The following CENPP variants were observed in gnomAD, a reference collection of about 807,000 sequenced individuals.
CENPP encodes centromere protein P.
Under a neutral mutation model 35.6 loss-of-function variants are expected in CENPP, and 24 were observed. The observed-to-expected ratio is 0.67, with a 90% CI of 0.49 to 0.95. The LOEUF (loss-of-function observed/expected upper bound fraction) is 0.95, where lower values mean the gene tolerates loss of function less well. Ranked by LOEUF, CENPP falls within the 40% of genes least tolerant of loss-of-function variation. The pLI is 0.00. For synonymous variants in CENPP, 120 were observed against 125.5 expected, an observed-to-expected ratio of 0.96 and a Z score of 0.29; for missense variants, 332 against 345.3, an observed-to-expected ratio of 0.96 and a Z score of 0.31.
chr9:92,350,635 C>T (rs949682796), intron 4 of CENPP, among the ~76,000 whole-genome samples: 1 of 152,078 alleles, frequency 6.6e-6, no homozygotes. Flanking sequence ...GGCCTTTAAG[C>T]GTGAATGAAC....
At chr9:92,408,906 G>A (rs1843375857) in intron 5 of CENPP, among the ~76,000 whole-genome samples, 1 of 152,136 alleles carries the variant, frequency 6.6e-6, no homozygotes, top group East Asian at 1.9e-4. Context: ...CTGTGGTTTG[G>A]ATCTCCGTCT....
chr9:92,610,051 G>C (rs1034138708), intron 5 of CENPP, among the ~76,000 whole-genome samples: 2 of 151,906 alleles, frequency 1.3e-5, no homozygotes, highest in Non-Finnish European at 2.9e-5. Context: ...AAAAACACAA[G>C]TGTTTGTTTG....
In CENPP at chr9:92,326,125, C is replaced by T. The variant is rs566219689; in HGVS notation, c.107+20C>T. 139 of 1,465,008 alleles carry T rather than the reference C, an allele frequency of 9.5e-5. 3 individuals are homozygous for T. The highest frequency in any genetic ancestry group is 9.3e-4 in the South Asian group (74 of 79,724). 90.8% of individuals were successfully genotyped at this position (1,465,008 alleles called of 1,614,324 possible). Reference sequence around the variant, plus strand: ...AGTCCAGTACGTGACCACCCCAAGTCCCCCAGGGCCCGCTGGCCAGGGTTC... The same window carrying T: ...AGTCCAGTACGTGACCACCCCAAGTTCCCCAGGGCCCGCTGGCCAGGGTTC... On this transcript the variant is annotated intron_variant, in intron 1 of 7. Transcript: ENST00000375587.
chr9:92,613,009 T>G lies in CENPP; in HGVS notation c.737-10T>G. On this transcript the variant is annotated splice_polypyrimidine_tract_variant and intron_variant, in intron 7 of 7. Transcript: ENST00000375587. ...GAAGTTTCTTACCCGGTTTAATGTTTTCTTTATAGCCCTGGAGCTGGACAA... is the reference window on the plus strand; with the variant it reads ...GAAGTTTCTTACCCGGTTTAATGTTGTCTTTATAGCCCTGGAGCTGGACAA... 6.2e-7 allele frequency: 1 copy of G among 1,613,828 alleles called. No individual in the cohort carries two copies. The highest frequency in any genetic ancestry group is 1.1e-5 in the South Asian group (1 of 91,034).
chr9:92,357,206 T>C (rs1329883863), intron 4 of CENPP, among the ~76,000 whole-genome samples: 1 of 151,934 alleles, frequency 6.6e-6, no homozygotes, highest in Non-Finnish European at 1.5e-5. Context: ...TTTTTTGTTT[T>C]TTTAAACTTT....
chr9:92,468,249 G>T lies in CENPP; in HGVS notation c.564+88390G>T, dbSNP rs180679658. 1.4e-4 allele frequency among the ~76,000 whole-genome samples: 21 copies of T among 152,334 alleles called. No homozygotes were observed. In the East Asian group the frequency reaches 4.0e-3, roughly 29 times the overall value. On this transcript the variant is annotated intron_variant, in intron 5 of 7. Transcript: ENST00000375587. ...GGAAGGAAAAGTAATACAAAACTGT[G>T]TAAGAGGTTTTGTGCAGCACTGGTA...
At position 92,379,833 on chromosome 9, in the gene CENPP, CG is replaced by C; in HGVS notation, c.539del (p.Arg180LeufsTer39). The C allele has an allele frequency of 6.2e-7, 1 of 1,611,188 alleles. No individual in the cohort carries two copies. On this transcript the variant is annotated frameshift_variant, in exon 5 of 8. Coordinates refer to ENST00000375587, the MANE Select transcript of CENPP (RefSeq NM_001012267.3). LOFTEE classifies it high-confidence loss of function. ...LHFFVEWFEY[R>X]KRTFKHLKEK... ...TTTTTTTGTGGAGTGGTTTGAATAT[CG>C]TAAGCGCACGTTTAAACATCTCAAG...
intron 5 of CENPP, among the ~76,000 whole-genome samples, chr9:92,450,114 C>CT (rs1433731287): frequency 6.6e-6 from 1 of 151,758 alleles, no homozygotes; most frequent in Non-Finnish European, 1.5e-5. Context: ...TATTATTATA[C>CT]TTTAAGTTTT....
chr9:92,539,178 A>G (rs73522345), intron 5 of CENPP: 3 of 152,196 alleles, frequency 2.0e-5, no homozygotes, highest in Admixed American at 6.5e-5. Flanking sequence ...CGGTTGGCCA[A>G]CGTAAGTGGA....
chr9:92,458,809 A>G (rs1844980068), intron 5 of CENPP, among the ~76,000 whole-genome samples: 2 of 152,200 alleles, frequency 1.3e-5, no homozygotes, highest in African/African-American at 2.4e-5. Context: ...GGAAAAGTCA[A>G]AGCAAAAGTT....
intron 5 of CENPP, among the ~76,000 whole-genome samples, chr9:92,472,326 C>T (rs1845552531): frequency 6.6e-6 from 1 of 151,674 alleles, no homozygotes; most frequent in Non-Finnish European, 1.5e-5. Context: ...CACTGCACTC[C>T]AGCCTGGGTG....
chr9:92,535,850 T>C, intron 5 of CENPP: 1 of 367,354 alleles, frequency 2.7e-6, no homozygotes, highest in East Asian at 7.2e-5. Context: ...TACTCAAGAG[T>C]TAAACAGTTG....
At position 92,526,348 on chromosome 9, in the gene CENPP, T is replaced by G. The variant is rs557031660; in HGVS notation, c.565-84966T>G. ...TGTATTTGTGTTTTAAGCCAAGTGT[T>G]ATTAAGAAGGAATTTTTTTAAATTC... On this transcript the variant is annotated intron_variant, in intron 5 of 7. Coordinates refer to ENST00000375587, the MANE Select transcript of CENPP (RefSeq NM_001012267.3). Among the ~76,000 whole-genome samples the G allele has an allele frequency of 3.3e-5, 5 of 152,332 alleles. No individual in the cohort carries two copies. In the East Asian group the frequency reaches 9.6e-4, roughly 29 times the overall value.
At chr9:92,485,940 T>C (rs1348693633) in intron 5 of CENPP, among the ~76,000 whole-genome samples, 2 of 152,236 alleles carry the variant, frequency 1.3e-5, no homozygotes, top group African/African-American at 2.4e-5. Context: ...GTTTGAATTT[T>C]CTGATGTTCT....
chr9:92,486,710 A>G (rs1205076977), intron 5 of CENPP, among the ~76,000 whole-genome samples: 1 of 152,100 alleles, frequency 6.6e-6, no homozygotes, highest in Non-Finnish European at 1.5e-5. Flanking sequence ...TTGTCACTAA[A>G]TGTTCATTCC....
intron 5 of CENPP, among the ~76,000 whole-genome samples, chr9:92,609,897 C>T (rs1194686712): frequency 4.6e-5 from 7 of 151,938 alleles, no homozygotes; most frequent in Admixed American, 2.6e-4. Context: ...CCCACCACCA[C>T]GCCCAGCTAA....
intron 5 of CENPP, among the ~76,000 whole-genome samples, chr9:92,547,898 G>A (rs1341916901): frequency 2.0e-5 from 3 of 152,094 alleles, no homozygotes; most frequent in African/African-American, 7.2e-5. Context: ...CCCACTGAAG[G>A]CCCTGGCCAG....
Position 92,464,813 on chromosome 9 carries a change from G to T in CENPP, c.564+84954G>T, listed in dbSNP as rs919208650. The T allele has an allele frequency of 9.4e-6, 8 of 852,354 alleles. No individual in the cohort carries two copies. In the African/African-American group the frequency reaches 1.2e-4, roughly 12 times the overall value. The allele number at this position is 852,354 out of a possible 1,614,324, so 52.8% of individuals were successfully genotyped here. A position where few individuals can be genotyped will look rare whatever the true frequency, so the allele number is the denominator to read the frequency against. ...TATTGACCAGATTTACTGGTGCAAA[G>T]ATTTCTAGTTGCAGTGTATACTGCA... On this transcript the variant is annotated intron_variant, in intron 5 of 7. Transcript: ENST00000375587.
chr9:92,537,836 T>C (rs754783840), intron 5 of CENPP, among the ~76,000 whole-genome samples: 15 of 152,186 alleles, frequency 9.9e-5, no homozygotes, highest in Admixed American at 6.5e-5. Flanking sequence ...TTCACTACCA[T>C]AGTGAGATGT....
Sources: gnomAD v4.1 joint callset for allele counts (sites outside exome capture counted in the v4.1 genomes callset) on GRCh38, gnomAD v4.1.1 for gene constraint, MANE v1.5 for transcripts, NCBI Gene and HGNC (gene_info 2026-07-23, HGNC 2026-07-21) for gene names.